Variants in PICALM observed in about 807,000 individuals in gnomAD.
PICALM encodes the protein phosphatidylinositol binding clathrin assembly protein.
Under a neutral mutation model 80.5 loss-of-function variants are expected in PICALM, and 40 were observed. The observed-to-expected ratio is 0.50, with a 90% confidence interval of 0.39 to 0.65. The LOEUF is 0.65. Ranked by LOEUF, PICALM falls within the 30% of genes least tolerant of loss-of-function variation. The pLI, the probability that PICALM is intolerant of heterozygous loss-of-function variation, is 0.00. For missense variants in PICALM, 676 were observed against 778.9 expected (o/e 0.87, Z 1.57); for synonymous variants, 288 against 260.3 (o/e 1.11, Z -1.02).
At chr11:86,000,554 A>G in intron 11 of PICALM, 89 bp downstream of exon 11, 1 of 1,017,196 alleles carries the variant, frequency 9.8e-7, no homozygotes, top group Non-Finnish European at 1.5e-6. Context: ...AAAAGCATAA[A>G]TAAAAGTAAA....
At chr11:86,004,795 C>G (rs571528717) in intron 8 of PICALM, among the ~76,000 whole-genome samples, 2 of 152,160 alleles carry the variant, frequency 1.3e-5, no homozygotes, top group East Asian at 3.8e-4. Flanking sequence ...ACTATTCCCT[C>G]TATATACCAG....
intron 17 of PICALM, chr11:85,977,086 T>A (rs1343262111): frequency 6.5e-6 from 1 of 153,100 alleles, no homozygotes; most frequent in East Asian, 1.9e-4. Context: ...GGTACCTGAT[T>A]GCTTTAGCAT....
rs1300270545 is a variant in PICALM at position 86,012,378 on chromosome 11, T to A, written c.561A>T (p.Glu187Asp). ...ALLDFNVNSN[E>D]LTNGVINAAF... Reference sequence around the variant, plus strand: ...CAGCATTTATTACCCCATTTGTAAGTTCATTGCTATTAACCTAGGGAAAAA... The same window carrying A: ...CAGCATTTATTACCCCATTTGTAAGATCATTGCTATTAACCTAGGGAAAAA... Residue 187 changes from glutamate to aspartate, a missense_variant, in exon 6 of 20, where the codon GAA (glutamate) becomes GAT (aspartate). Transcript: ENST00000393346. 1.9e-6 allele frequency: 3 copies of A among 1,598,284 alleles called. No homozygotes were observed. The highest frequency in any genetic ancestry group is 2.6e-6 in the Non-Finnish European group (3 of 1,166,944).
At chr11:85,970,847 G>C (rs192379003) in intron 19 of PICALM, among the ~76,000 whole-genome samples, 5 of 152,190 alleles carry the variant, frequency 3.3e-5, no homozygotes, top group African/African-American at 4.8e-5. Flanking sequence ...TGAGTATGGA[G>C]ATGGGTATTA....
At chr11:85,996,718 T>C (rs533354177) in intron 12 of PICALM, 108 bp downstream of exon 12, 34 of 676,406 alleles carry the variant, frequency 5.0e-5, no homozygotes, top group East Asian at 3.9e-4. Flanking sequence ...TTAATACTTA[T>C]CAAGTTCTCA....
rs553550185 is a variant in PICALM at position 86,068,784 on chromosome 11, T to C, written c.-4A>G. 1.2e-5 allele frequency: 19 copies of C among 1,603,868 alleles called. 1 individual carries two copies. The South Asian group carries it at 1.4e-4, about 12-fold the overall frequency. ...CCGTCAGGCTCTGGCCGGACATCTC[T>C]GCAGCTCCTCCACCACCCCACCCGC... On this transcript the variant is annotated 5_prime_UTR_variant, in exon 1 of 20. Coordinates refer to ENST00000393346, the MANE Select transcript of PICALM (RefSeq NM_007166.4).
At chr11:85,983,805 T>A in intron 14 of PICALM, 61 bp downstream of exon 14, 1 of 705,182 alleles carries the variant, frequency 1.4e-6, no homozygotes, top group South Asian at 1.9e-5. Flanking sequence ...GCATTATTTT[T>A]CCTTACACAG....
chr11:86,062,066 G>T (rs1019175248), intron 1 of PICALM, among the ~76,000 whole-genome samples: 2 of 152,182 alleles, frequency 1.3e-5, no homozygotes, highest in Admixed American at 6.5e-5. Context: ...CAAAACTATG[G>T]AGACAGTTAA....
rs527341038 is a variant in PICALM, at chr11:86,007,611, A to C, written c.766-28T>G. On this transcript the variant is annotated intron_variant, in intron 7 of 19. Transcript: ENST00000393346. ...GTAAGAAAAGCATTGTATTTAATAA[A>C]TTATAATAAAAATATTTTATAAATA... is the stretch of plus-strand genomic sequence containing the variant. The C allele has an allele frequency of 6.3e-6, 7 of 1,113,444 alleles. No homozygotes were observed. The South Asian group carries it at 8.6e-5, about 14-fold the overall frequency. The allele number at this position is 1,113,444 out of a possible 1,614,324, so 69.0% of individuals were successfully genotyped here.
Position 86,060,755 on chromosome 11 carries a change from C to G in PICALM, c.130+7896G>C, listed in dbSNP as rs189288463. Among the ~76,000 whole-genome samples the G allele has an allele frequency of 8.8e-5, 13 of 147,646 alleles. 1 individual carries two copies. The East Asian group carries it at 2.6e-3, about 29-fold the overall frequency. ...ACAGGCAAAAAAAAAAAAAATGAAT[C>G]AGGAGACAGACATTACACTCACAAA... On this transcript the variant is annotated intron_variant, in intron 1 of 19. Transcript: ENST00000393346.
At chr11:86,007,266 T>C in intron 8 of PICALM, 1 of 198,208 alleles carries the variant, frequency 5.0e-6, no homozygotes, top group East Asian at 1.1e-4. Flanking sequence ...AAAAGTTTTT[T>C]TTTCCTTTTT....
chr11:85,991,634 ATATAG>A (rs1324304148), intron 12 of PICALM, among the ~76,000 whole-genome samples: 1 of 152,160 alleles, frequency 6.6e-6, no homozygotes, highest in African/African-American at 2.4e-5. Flanking sequence ...GAACTTTTCT[ATATAG>A]TATTCTTATG....
chr11:85,993,837 T>C (rs530914953), intron 12 of PICALM, among the ~76,000 whole-genome samples: 1 of 152,270 alleles, frequency 6.6e-6, no homozygotes, highest in Non-Finnish European at 1.5e-5. Flanking sequence ...ATTATCGCCT[T>C]TAAGTCCTAA....
Position 86,061,194 on chromosome 11 carries a change from T to C in PICALM, c.130+7457A>G, listed in dbSNP as rs138324272. ...AAATACAAAAATTAGCCAGGCATGA[T>C]GGTAGACACCTGTAATCCCAGCTAC... On this transcript the variant is annotated intron_variant, in intron 1 of 19. Coordinates refer to ENST00000393346, the MANE Select transcript of PICALM (RefSeq NM_007166.4). 6.2e-4 allele frequency among the ~76,000 whole-genome samples: 94 copies of C among 152,000 alleles called. No homozygotes were observed. The East Asian group carries it at 0.015, about 25-fold the overall frequency.
At chr11:85,983,800 A>C in intron 14 of PICALM, 66 bp downstream of exon 14, 1 of 675,138 alleles carries the variant, frequency 1.5e-6, no homozygotes, top group Non-Finnish European at 2.5e-6. Context: ...AAGCAGCATT[A>C]TTTTTCCTTA....
At chr11:86,015,543 A>G (rs962688355) in intron 4 of PICALM, among the ~76,000 whole-genome samples, 1 of 152,252 alleles carries the variant, frequency 6.6e-6, no homozygotes, top group African/African-American at 2.4e-5. Context: ...CACAAGAGAT[A>G]CTTTCAATGG....
At chr11:85,989,962 T>A (rs1441898796) in intron 13 of PICALM, among the ~76,000 whole-genome samples, 1 of 128,466 alleles carries the variant, frequency 7.8e-6, no homozygotes, top group African/African-American at 3.0e-5. Flanking sequence ...CATGTGATAC[T>A]AGACAGCTAG....
intron 1 of PICALM, among the ~76,000 whole-genome samples, chr11:86,057,214 G>GA (rs889052322): frequency 2.0e-5 from 3 of 151,240 alleles, no homozygotes; most frequent in Non-Finnish European, 3.0e-5. Context: ...CTCTAAAAGG[G>GA]AAAAAAAATA....
At chr11:86,062,243 G>A (rs1403040188) in intron 1 of PICALM, among the ~76,000 whole-genome samples, 1 of 152,162 alleles carries the variant, frequency 6.6e-6, no homozygotes, top group Non-Finnish European at 1.5e-5. Context: ...TTGGCCGGGC[G>A]CAGTGGCTCA....
Sources: allele counts gnomAD v4.1 joint callset (sites outside exome capture counted in the v4.1 genomes callset), GRCh38; gene constraint gnomAD v4.1.1; transcripts MANE v1.5; gene names NCBI Gene and HGNC (gene_info 2026-07-23, HGNC 2026-07-21).